Variants in SYNPR observed in about 807,000 individuals in gnomAD.
The protein encoded by SYNPR is synaptoporin.
Under a neutral mutation model 32.9 loss-of-function variants are expected in SYNPR, and 23 were observed. That is an observed-to-expected ratio of 0.70 (90% CI 0.50 to 0.99). The LOEUF (loss-of-function observed/expected upper bound fraction) is 0.99. SYNPR is among the 50% of genes least tolerant of loss of function. The pLI, the probability that SYNPR is intolerant of heterozygous loss-of-function variation, is 0.00. For synonymous variants in SYNPR, 146 were observed against 135.9 expected (o/e 1.07, Z -0.52); for missense variants, 318 against 349.3 (o/e 0.91, Z 0.71).
chr3:63,577,038 A>C (rs1381030827), intron 4 of SYNPR, among the ~76,000 whole-genome samples: 1 of 152,084 alleles, frequency 6.6e-6, no homozygotes, highest in East Asian at 1.9e-4. Context: ...TCTCACTGAA[A>C]AGATTCATTA....
chr3:63,305,448 C>T (rs1232647396), intron 2 of SYNPR, among the ~76,000 whole-genome samples: 1 of 151,988 alleles, frequency 6.6e-6, no homozygotes, highest in East Asian at 1.9e-4. Flanking sequence ...GAGTTTATTC[C>T]TTGTACTCCA....
At chr3:63,403,091 T>C (rs913485299) in intron 2 of SYNPR, among the ~76,000 whole-genome samples, 3 of 152,158 alleles carry the variant, frequency 2.0e-5, no homozygotes, top group African/African-American at 7.2e-5. Context: ...TCTTCCCGAG[T>C]AACATAATTA....
chr3:63,239,819 A>G (rs1056458085), intron 1 of SYNPR, among the ~76,000 whole-genome samples: 2 of 151,392 alleles, frequency 1.3e-5, no homozygotes, highest in Non-Finnish European at 2.9e-5. Context: ...CAAATGTGTC[A>G]CACACCCACC....
intron 4 of SYNPR, among the ~76,000 whole-genome samples, chr3:63,575,130 C>G (rs534759009): frequency 2.6e-5 from 4 of 152,222 alleles, no homozygotes; most frequent in South Asian, 4.2e-4. Context: ...AATCCACCCC[C>G]ACAAGCATGA....
intron 2 of SYNPR, among the ~76,000 whole-genome samples, chr3:63,476,220 AGGGAAGG>A (rs1700911879): frequency 1.3e-5 from 1 of 74,396 alleles, no homozygotes; most frequent in Non-Finnish European, 2.5e-5. Flanking sequence ...GAAGGAGGGA[AGGGAAGG>A]GAAGGAAGGA....
At chr3:63,473,448 C>G (rs560905288) in intron 2 of SYNPR, among the ~76,000 whole-genome samples, 1 of 152,080 alleles carries the variant, frequency 6.6e-6, no homozygotes, top group Middle Eastern at 3.2e-3. Context: ...TAGGGAGCAC[C>G]AACTTCATGC....
intron 2 of SYNPR, among the ~76,000 whole-genome samples, chr3:63,380,474 C>A (rs1350741880): frequency 1.3e-5 from 2 of 152,162 alleles, no homozygotes; most frequent in African/African-American, 4.8e-5. Context: ...CTGTTGGCTG[C>A]ATAAATGTCT....
chr3:63,508,559 T>C (rs1559520841), intron 3 of SYNPR, among the ~76,000 whole-genome samples: 1 of 152,052 alleles, frequency 6.6e-6, no homozygotes, highest in Non-Finnish European at 1.5e-5. Context: ...CAAAGACCAA[T>C]GTGGAAAGAC....
chr3:63,559,925 T>A (rs1702657782), intron 4 of SYNPR, among the ~76,000 whole-genome samples: 1 of 152,192 alleles, frequency 6.6e-6, no homozygotes, highest in African/African-American at 2.4e-5. Flanking sequence ...TCCTGACTTC[T>A]AAACAGAAAA....
chr3:63,300,847 C>G (rs1450865262), intron 2 of SYNPR, among the ~76,000 whole-genome samples: 2 of 152,046 alleles, frequency 1.3e-5, no homozygotes, highest in African/African-American at 4.8e-5. Context: ...TCCTGGAAAG[C>G]ACTCCCCCAA....
intron 2 of SYNPR, among the ~76,000 whole-genome samples, chr3:63,457,667 T>C (rs1022686080): frequency 7.9e-5 from 12 of 152,106 alleles, no homozygotes; most frequent in Admixed American, 7.9e-4. Context: ...GAAGTCTCAG[T>C]GGAGAAAAAT....
intron 2 of SYNPR, among the ~76,000 whole-genome samples, chr3:63,372,058 G>C (rs1390133601): frequency 6.6e-6 from 1 of 152,076 alleles, no homozygotes. Flanking sequence ...GCATGGCTGA[G>C]TATATCCACA....
At chr3:63,263,075 A>G (rs187783275) in intron 2 of SYNPR, among the ~76,000 whole-genome samples, 1 of 152,348 alleles carries the variant, frequency 6.6e-6, no homozygotes, top group East Asian at 1.9e-4. Flanking sequence ...GAATGTTTAC[A>G]TGAAGAGGGC....
At chr3:63,475,506 T>C (rs1700882779) in intron 2 of SYNPR, among the ~76,000 whole-genome samples, 1 of 152,192 alleles carries the variant, frequency 6.6e-6, no homozygotes, top group Non-Finnish European at 1.5e-5. Context: ...CTTCAATGTC[T>C]GGTAAGGTGA....
chr3:63,557,809 A>G (rs770640701), intron 4 of SYNPR, among the ~76,000 whole-genome samples: 10 of 152,240 alleles, frequency 6.6e-5, no homozygotes, highest in African/African-American at 2.4e-4. Context: ...AAAAATGGAA[A>G]TGAAATTTAT....
At chr3:63,595,461 G>T (rs1188358127) in intron 4 of SYNPR, among the ~76,000 whole-genome samples, 1 of 151,282 alleles carries the variant, frequency 6.6e-6, no homozygotes, top group Admixed American at 6.6e-5. Flanking sequence ...GGGATTAGTG[G>T]GATTTGTCTA....
the SYNPR span, among the ~76,000 whole-genome samples, chr3:63,209,939 G>C: frequency 3.0e-3 from 450 of 152,226 alleles, 1 homozygote; most frequent in African/African-American, 0.01. Flanking sequence ...ATGGGTGCTT[G>C]AGAAATATTT....
intron 1 of SYNPR, among the ~76,000 whole-genome samples, chr3:63,250,711 G>T (rs974329596): frequency 5.3e-5 from 8 of 152,150 alleles, no homozygotes; most frequent in African/African-American, 1.9e-4. Context: ...GTCTCACAGA[G>T]ACCAAGACTG....
intron 4 of SYNPR, among the ~76,000 whole-genome samples, chr3:63,596,781 G>A (rs887502140): frequency 6.6e-6 from 1 of 152,150 alleles, no homozygotes; most frequent in Non-Finnish European, 1.5e-5. Context: ...TGGCATTAAT[G>A]AACCCAAACA....
Sources: allele counts gnomAD v4.1 joint callset (sites outside exome capture counted in the v4.1 genomes callset), GRCh38; gene constraint gnomAD v4.1.1; transcripts MANE v1.5; gene names NCBI Gene and HGNC (gene_info 2026-07-23, HGNC 2026-07-21).